The following ESYT2 variants were observed in gnomAD, a reference collection of about 807,000 sequenced individuals.
ESYT2 encodes extended synaptotagmin-2.
Under a neutral mutation model 107.2 loss-of-function variants are expected in ESYT2, and 54 were observed. The ratio of observed to expected loss-of-function variants is 0.50; its 90% CI spans 0.40 to 0.63. The LOEUF is 0.63. Ranked by LOEUF, ESYT2 falls within the 30% of genes least tolerant of loss-of-function variation. The pLI is 0.00. For synonymous variants in ESYT2, 491 were observed against 434.1 expected (o/e 1.13, Z -1.63); for missense variants, 1,020 against 1,094.5 (o/e 0.93, Z 0.96).
At chr7:158,793,926 A>C (rs1295088161) in intron 3 of ESYT2, among the ~76,000 whole-genome samples, 200 bp from the exon 4 acceptor site, 1 of 152,238 alleles carries the variant, frequency 6.6e-6, no homozygotes, top group Non-Finnish European at 1.5e-5. Flanking sequence ...GAGCTGCAGA[A>C]AACAAGGGCC....
chr7:158,772,059 T>G (rs1838392688), intron 7 of ESYT2, among the ~76,000 whole-genome samples: 2 of 151,960 alleles, frequency 1.3e-5, no homozygotes, highest in African/African-American at 2.4e-5. Flanking sequence ...GAGGTGGTGC[T>G]TGCAGTGAGC....
intron 1 of ESYT2, among the ~76,000 whole-genome samples, chr7:158,802,806 C>A (rs557532645): frequency 6.6e-6 from 1 of 152,194 alleles, no homozygotes; most frequent in East Asian, 1.9e-4. Flanking sequence ...TGATTTAATA[C>A]CTTTAAGTAA....
intron 13 of ESYT2, among the ~76,000 whole-genome samples, chr7:158,753,544 T>A (rs916523643): frequency 2.0e-5 from 3 of 152,176 alleles, no homozygotes; most frequent in Non-Finnish European, 4.4e-5. Context: ...TTAAAGAATT[T>A]ATCATTTTAG....
intron 1 of ESYT2, among the ~76,000 whole-genome samples, chr7:158,827,997 AAAT>A (rs1305101172): frequency 6.6e-6 from 1 of 152,218 alleles, no homozygotes; most frequent in Non-Finnish European, 1.5e-5. Context: ...GTTAAAAATA[AAAT>A]AATACCATGA....
intron 1 of ESYT2, among the ~76,000 whole-genome samples, chr7:158,814,308 T>A (rs1229795578): frequency 0.18 from 626 of 3,512 alleles, 91 homozygotes; most frequent in African/African-American, 0.29. Context: ...TATATATATA[T>A]ATATATATAT....
chr7:158,751,745 G>A (rs1420394808), intron 14 of ESYT2, among the ~76,000 whole-genome samples: 1 of 147,980 alleles, frequency 6.8e-6, no homozygotes, highest in South Asian at 2.1e-4. Flanking sequence ...GAAGTGTCTT[G>A]TTGGAGGTCA....
chr7:158,754,272 T>A (rs1837679598), intron 13 of ESYT2, among the ~76,000 whole-genome samples: 2 of 152,192 alleles, frequency 1.3e-5, no homozygotes, highest in African/African-American at 4.8e-5. Flanking sequence ...AGTGGCACCA[T>A]CTTGGCTCAC....
chr7:158,737,396 G>A lies in ESYT2; in HGVS notation c.2268-217C>T, dbSNP rs771914494. 2.0e-5 allele frequency among the ~76,000 whole-genome samples: 3 copies of A among 152,082 alleles called. No homozygotes were observed. The South Asian group carries it at 6.2e-4, about 32-fold the overall frequency. On this transcript the variant is annotated intron_variant, in intron 19 of 22. Coordinates refer to ENST00000275418, the MANE Select transcript of ESYT2 (RefSeq NM_001367773.1). ...TAGTGGCTTTCTCAGCAGCGACTTC[G>A]GCCTTCATTTCTCAAGCCCAGAGTT...
intron 4 of ESYT2, among the ~76,000 whole-genome samples, chr7:158,791,722 T>G (rs1839299067): frequency 6.6e-6 from 1 of 152,236 alleles, no homozygotes; most frequent in Non-Finnish European, 1.5e-5. Context: ...GTATCATCCC[T>G]GGAGAAATGT....
At chr7:158,805,708 T>G (rs1402002937) in intron 1 of ESYT2, among the ~76,000 whole-genome samples, 1 of 152,246 alleles carries the variant, frequency 6.6e-6, no homozygotes, top group Non-Finnish European at 1.5e-5. Flanking sequence ...TCCATCTGTT[T>G]AAGGTCATTT....
At chr7:158,765,282 T>G (rs1838117910) in intron 8 of ESYT2, among the ~76,000 whole-genome samples, 1 of 152,148 alleles carries the variant, frequency 6.6e-6, no homozygotes. Context: ...CTACAGTGAG[T>G]AATAACATGA....
intron 14 of ESYT2, among the ~76,000 whole-genome samples, chr7:158,750,901 C>T (rs1442299393): frequency 2.6e-5 from 4 of 152,154 alleles, no homozygotes. Flanking sequence ...CGTGGCAGAT[C>T]CCCAGGCCAG....
chr7:158,795,958 G>C (rs1043762730), intron 3 of ESYT2, among the ~76,000 whole-genome samples: 1 of 152,238 alleles, frequency 6.6e-6, no homozygotes, highest in African/African-American at 2.4e-5. Context: ...TTCTGAGACA[G>C]AGCATTCTCT....
Position 158,799,068 on chromosome 7 carries a change from T to G in ESYT2, c.335A>C (p.His112Pro). ...VRACDLPAWV[H>P]FPDTERAEWL... ...TTCTGCTCTTTCAGTGTCTGGAAAA[T>G]GAACCTAGGAGGAAAATACACACAT... Residue 112 changes from histidine to proline, a missense_variant, in exon 2 of 23, where the codon CAT (histidine) becomes CCT (proline). Transcript: ENST00000275418. 6.2e-7 allele frequency: 1 copy of G among 1,613,530 alleles called. No homozygotes were observed. The highest frequency in any genetic ancestry group is 1.1e-5 in the South Asian group (1 of 91,032).
chr7:158,781,468 TGA>T (rs1246659901), intron 6 of ESYT2, among the ~76,000 whole-genome samples: 30 of 148,184 alleles, frequency 2.0e-4, no homozygotes, highest in South Asian at 1.1e-3. Context: ...GAACAAAGTG[TGA>T]GAGGTGTGAG....
At chr7:158,805,341 A>AT (rs1332209935) in intron 1 of ESYT2, among the ~76,000 whole-genome samples, 1 of 152,190 alleles carries the variant, frequency 6.6e-6, no homozygotes, top group Non-Finnish European at 1.5e-5. Flanking sequence ...ATTAAATGGT[A>AT]TTTTTTTCAA....
chr7:158,754,738 C>T (rs924345061), intron 13 of ESYT2, among the ~76,000 whole-genome samples: 6 of 152,278 alleles, frequency 3.9e-5, no homozygotes, highest in Admixed American at 2.6e-4. Context: ...ACAAGAGGCG[C>T]CAAGCACCCC....
At chr7:158,782,393 C>CAAGAACAAGTGAGTGAACGAGTGT in intron 6 of ESYT2, among the ~76,000 whole-genome samples, 1 of 86,638 alleles carries the variant, frequency 1.2e-5, no homozygotes, top group African/African-American at 4.6e-5. Context: ...GAGGTAAGAA[C>CAAGAACAAGTGAGTGAACGAGTGT]GAGAACAAGT....
chr7:158,759,185 G>C (rs779121344), intron 13 of ESYT2, among the ~76,000 whole-genome samples: 6 of 152,170 alleles, frequency 3.9e-5, no homozygotes, highest in Non-Finnish European at 5.9e-5. Flanking sequence ...TCCATCCTAA[G>C]GCAACTAAGT....
Sources: allele counts gnomAD v4.1 joint callset (sites outside exome capture counted in the v4.1 genomes callset), GRCh38; gene constraint gnomAD v4.1.1; transcripts MANE v1.5; gene names NCBI Gene and HGNC (gene_info 2026-07-23, HGNC 2026-07-21).